Variants in RRN3 observed in about 807,000 individuals in gnomAD.
RRN3 encodes the protein RNA polymerase I-specific transcription initiation factor RRN3.
In RRN3, 38 loss-of-function variants were observed where a neutral mutation model predicts 82.3. The observed-to-expected ratio is 0.46, with a 90% CI of 0.36 to 0.61. RRN3 has a LOEUF of 0.61. Among genes scored for constraint, RRN3 ranks in the 20% least tolerant of loss-of-function variants. The pLI is 0.00. For synonymous variants in RRN3, 284 were observed against 284.3 expected, an observed-to-expected ratio of 1.00 and a Z score of 0.01; for missense variants, 726 against 793.1, an observed-to-expected ratio of 0.92 and a Z score of 1.02.
chr16:15,061,482 G>C lies in RRN3; in HGVS notation c.*262C>G, dbSNP rs966562553. On this transcript the variant is annotated 3_prime_UTR_variant, in exon 18 of 18. Transcript: ENST00000198767. ...CACAAAAAATGTACATATTAAACAAGCAAATCCTTCCAAATGTATCATCAA... is the reference window on the plus strand; with the variant it reads ...CACAAAAAATGTACATATTAAACAACCAAATCCTTCCAAATGTATCATCAA... 1 of 390,558 alleles carries C rather than the reference G, an allele frequency of 2.6e-6. No homozygotes were observed. The highest frequency in any genetic ancestry group is 4.5e-6 in the Non-Finnish European group (1 of 220,322). The allele number at this position is 390,558 out of a possible 1,614,324, so 24.2% of individuals were successfully genotyped here.
chr16:15,063,247 C>T lies in RRN3; in HGVS notation c.1743G>A (p.Trp581Ter). 6.2e-7 allele frequency: 1 copy of T among 1,613,628 alleles called. No individual in the cohort carries two copies. ...KKFIDPIYQV[W>*]EDMSAEELQE... ...GTAGCTCTTCAGCACTCATGTCTTC[C>T]CACACCTGATAAATAGGATCAATGA... is the stretch of plus-strand genomic sequence containing the variant. Residue 581 changes from tryptophan to a stop codon, truncating the protein, a stop_gained, in exon 17 of 18, where the codon TGG (tryptophan) becomes TGA (stop). Transcript: ENST00000198767. LOFTEE classifies it high-confidence loss of function.
At chr16:15,093,539 A>G (rs2046225541) in intron 1 of RRN3, among the ~76,000 whole-genome samples, 1 of 152,212 alleles carries the variant, frequency 6.6e-6, no homozygotes, top group Admixed American at 6.5e-5. Flanking sequence ...TGTTTAACAC[A>G]GTAAGCAGGA....
chr16:15,079,889 G>A lies in RRN3; in HGVS notation c.765+109C>T, dbSNP rs2941253. The stretch of plus-strand genomic sequence containing the variant: ...TGGGAATACAGGCGTGAGTCACCAC[G>A]CCTGGCCAAGTGGATTCTTTTCTAT... On this transcript the variant is annotated intron_variant, in intron 9 of 17. Transcript: ENST00000198767. 859,517 of 1,280,370 alleles carry A rather than the reference G, an allele frequency of 0.67. 295,217 individuals are homozygous for A. Among genetic ancestry groups the A allele is most frequent in the Admixed American group, 0.71 (25,888 of 36,366 alleles). The allele number at this position is 1,280,370 out of a possible 1,614,324, so 79.3% of individuals were successfully genotyped here. A position where few individuals can be genotyped will look rare whatever the true frequency, so the allele number is the denominator to read the frequency against.
intron 3 of RRN3, 69 bp downstream of exon 3, chr16:15,091,246 C>T: frequency 6.3e-7 from 1 of 1,584,228 alleles, no homozygotes; most frequent in Non-Finnish European, 8.6e-7. Context: ...AGAATGGGAC[C>T]CAAAGAGCAA....
At chr16:15,065,439 C>CAGA (rs2044927512) in intron 15 of RRN3, 68 bp from the exon 16 acceptor site, 1 of 1,397,166 alleles carries the variant, frequency 7.2e-7, no homozygotes, top group Non-Finnish European at 9.9e-7. Flanking sequence ...CAGATGTGAG[C>CAGA]TGCGTGTGAC....
chr16:15,075,773 G>T (rs2045427074), intron 10 of RRN3, among the ~76,000 whole-genome samples: 1 of 152,074 alleles, frequency 6.6e-6, no homozygotes, highest in African/African-American at 2.4e-5. Flanking sequence ...CTCTGCTCCT[G>T]GTGCCCACCA....
intron 8 of RRN3, among the ~76,000 whole-genome samples, chr16:15,083,007 A>G (rs2151806907): frequency 6.6e-6 from 1 of 152,388 alleles, no homozygotes; most frequent in East Asian, 1.9e-4. Context: ...TAATAACAGA[A>G]AAAGGCACTG....
At chr16:15,070,311 A>G (rs532095431) in intron 13 of RRN3, 57 bp from the exon 14 acceptor site, 2 of 1,593,696 alleles carry the variant, frequency 1.3e-6, no homozygotes, top group African/African-American at 2.7e-5. Context: ...CCAGAATAAC[A>G]TAAAAACACA....
rs188038149 is a variant in RRN3 at position 15,067,476 on chromosome 16, C to G, written c.1553+693G>C. On this transcript the variant is annotated intron_variant, in intron 15 of 17. Transcript: ENST00000198767. ...ATGTAAAGTGCTTAGAACTGCCTGG[C>G]ACAGAGGAAAGGCTATGGATTAGCC... is the stretch of plus-strand genomic sequence containing the variant. Among the ~76,000 whole-genome samples, 130 of 111,134 alleles carry G rather than the reference C, an allele frequency of 1.2e-3. 3 individuals are homozygous for G. Among genetic ancestry groups the G allele is most frequent in the Admixed American group, 0.011 (104 of 9,566 alleles). 72.9% of individuals were successfully genotyped at this position (111,134 alleles called of 152,430 possible).
intron 15 of RRN3, among the ~76,000 whole-genome samples, chr16:15,066,314 C>G (rs913550998): frequency 1.3e-5 from 2 of 152,180 alleles, no homozygotes; most frequent in Admixed American, 6.5e-5. Context: ...TGCCCACACA[C>G]AAGAATGTTC....
Position 15,092,223 on chromosome 16 carries a change from C to T in RRN3, c.195+286G>A, listed in dbSNP as rs11859846. Among the ~76,000 whole-genome samples the T allele has an allele frequency of 9.4e-3, 1,431 of 152,150 alleles. 25 individuals are homozygous for T. The highest frequency in any genetic ancestry group is 0.031 in the African/African-American group (1,293 of 41,512). Reference sequence around the variant, plus strand: ...ATGGTGTAATTGTTTTTAATTCTGGCACTTGCTAAAGTTAAAAGATGCTTC... The same window carrying T: ...ATGGTGTAATTGTTTTTAATTCTGGTACTTGCTAAAGTTAAAAGATGCTTC... On this transcript the variant is annotated intron_variant, in intron 2 of 17. Transcript: ENST00000198767.
chr16:15,092,710 T>C (rs1246317118), intron 1 of RRN3, 96 bp from the exon 2 acceptor site: 90 of 822,846 alleles, frequency 1.1e-4, no homozygotes, highest in Middle Eastern at 2.7e-4. Flanking sequence ...AGTGGAACTA[T>C]TGTTAAGGCC....
chr16:15,083,360 T>C (rs529457142), intron 8 of RRN3, among the ~76,000 whole-genome samples, 153 bp downstream of exon 8: 4 of 151,802 alleles, frequency 2.6e-5, no homozygotes, highest in Admixed American at 6.6e-5. Context: ...GATGACGCCA[T>C]TGCACTCCAG....
chr16:15,086,756 T>C (rs182748837), intron 3 of RRN3, among the ~76,000 whole-genome samples: 2 of 152,332 alleles, frequency 1.3e-5, no homozygotes, highest in African/African-American at 4.8e-5. Flanking sequence ...CACCTGGGAC[T>C]TTTAAAAACT....
chr16:15,076,194 T>C (rs2045448387), intron 10 of RRN3, among the ~76,000 whole-genome samples: 1 of 152,170 alleles, frequency 6.6e-6, no homozygotes, highest in Admixed American at 6.5e-5. Flanking sequence ...CAACTTCAGA[T>C]ACCACCCAAA....
intron 2 of RRN3, among the ~76,000 whole-genome samples, chr16:15,092,288 CAT>C (rs1187572809): frequency 6.6e-6 from 1 of 152,100 alleles, no homozygotes; most frequent in Non-Finnish European, 1.5e-5. Flanking sequence ...TCAGTAAAGA[CAT>C]TATTACTCTC....
intron 14 of RRN3, among the ~76,000 whole-genome samples, chr16:15,068,826 T>C (rs2045095621): frequency 6.6e-6 from 1 of 152,206 alleles, no homozygotes; most frequent in Admixed American, 6.5e-5. Flanking sequence ...ATATAATTCT[T>C]TTCTACATGA....
chr16:15,060,065 G>GT lies in RRN3; in HGVS notation c.*1678dup, dbSNP rs992882850. 7.5e-6 allele frequency: 2 copies of GT among 267,232 alleles called. No individual in the cohort carries two copies. Among genetic ancestry groups the GT allele is most frequent in the African/African-American group, 2.3e-5 (1 of 42,980 alleles). 16.6% of individuals were successfully genotyped at this position (267,232 alleles called of 1,614,324 possible). On this transcript the variant is annotated 3_prime_UTR_variant, in exon 18 of 18. Coordinates refer to ENST00000198767, the MANE Select transcript of RRN3 (RefSeq NM_018427.5). Reference sequence around the variant, plus strand: ...AGGTACCTTTTATTGGTATAAGAACGTAAGTTCCAGATTAACCATGTCATT... The same window carrying GT: ...AGGTACCTTTTATTGGTATAAGAACGTTAAGTTCCAGATTAACCATGTCATT...
chr16:15,093,120 T>C (rs887484753), intron 1 of RRN3, among the ~76,000 whole-genome samples: 3 of 152,126 alleles, frequency 2.0e-5, no homozygotes, highest in Non-Finnish European at 2.9e-5. Flanking sequence ...TTATCCTGCC[T>C]CAGCCTCCTG....
Sources: gnomAD v4.1 joint callset for allele counts (sites outside exome capture counted in the v4.1 genomes callset) on GRCh38, gnomAD v4.1.1 for gene constraint, MANE v1.5 for transcripts, NCBI Gene and HGNC (gene_info 2026-07-23, HGNC 2026-07-21) for gene names.